UNC5D: variants seen among roughly 807,000 people sequenced by gnomAD.
The protein encoded by UNC5D is unc-5 netrin receptor D.
Under a neutral mutation model 105.4 loss-of-function variants are expected in UNC5D, and 39 were observed. That is an observed-to-expected ratio of 0.37 (90% CI 0.29 to 0.48). The LOEUF (loss-of-function observed/expected upper bound fraction) is 0.48. UNC5D is among the 20% of genes least tolerant of loss of function. UNC5D has a pLI of 0.98. For missense variants in UNC5D, 991 were observed against 1,202.4 expected (o/e 0.82, Z 2.60); for synonymous variants, 452 against 450.4 (o/e 1.00, Z -0.04).
chr8:35,528,606 C>T (rs1482121129), intron 1 of UNC5D, among the ~76,000 whole-genome samples: 1 of 146,544 alleles, frequency 6.8e-6, no homozygotes, highest in Non-Finnish European at 1.5e-5. Context: ...GTTCTAGATC[C>T]CTGAGGAATC....
At chr8:35,733,132 T>C (rs1047698589) in intron 11 of UNC5D, among the ~76,000 whole-genome samples, 4 of 152,136 alleles carry the variant, frequency 2.6e-5, no homozygotes, top group Non-Finnish European at 4.4e-5. Context: ...CCTTTTCAGG[T>C]AGCTGAAACC....
At chr8:35,762,555 C>G (rs779449746) in intron 14 of UNC5D, among the ~76,000 whole-genome samples, 2 of 152,174 alleles carry the variant, frequency 1.3e-5, no homozygotes, top group Non-Finnish European at 2.9e-5. Context: ...GTCCCTAAGA[C>G]TCTACCACAT....
intron 1 of UNC5D, among the ~76,000 whole-genome samples, chr8:35,347,176 G>A (rs187468684): frequency 4.5e-4 from 68 of 152,148 alleles, no homozygotes; most frequent in African/African-American, 1.6e-3. Context: ...TGATTGACGA[G>A]TTAGAATAAT....
At chr8:35,697,476 AC>A (rs1826871653) in intron 7 of UNC5D, among the ~76,000 whole-genome samples, 1 of 151,806 alleles carries the variant, frequency 6.6e-6, no homozygotes, top group African/African-American at 2.4e-5. Flanking sequence ...AAATTGCCCT[AC>A]CCCAACAAAA....
chr8:35,546,393 G>A (rs974741673), intron 1 of UNC5D, among the ~76,000 whole-genome samples: 1 of 152,172 alleles, frequency 6.6e-6, no homozygotes, highest in African/African-American at 2.4e-5. Context: ...GTTAAAACTT[G>A]ATCTATTACA....
At chr8:35,312,730 A>G (rs1051495241) in intron 1 of UNC5D, among the ~76,000 whole-genome samples, 1 of 152,224 alleles carries the variant, frequency 6.6e-6, no homozygotes, top group African/African-American at 2.4e-5. Context: ...GCACAGATGC[A>G]CTGAAATCAA....
intron 4 of UNC5D, among the ~76,000 whole-genome samples, chr8:35,670,353 T>G (rs534868608): frequency 6.6e-6 from 1 of 152,254 alleles, no homozygotes; most frequent in African/African-American, 2.4e-5. Flanking sequence ...GGATTTTGTT[T>G]ACCTATTTTT....
intron 1 of UNC5D, among the ~76,000 whole-genome samples, chr8:35,504,507 T>C (rs753773640): frequency 1.3e-5 from 2 of 152,072 alleles, no homozygotes; most frequent in Non-Finnish European, 2.9e-5. Flanking sequence ...TGAGGTGTAA[T>C]GTGAGGAATG....
At chr8:35,365,646 T>G (rs1243570513) in intron 1 of UNC5D, among the ~76,000 whole-genome samples, 2 of 141,288 alleles carry the variant, frequency 1.4e-5, no homozygotes, top group Non-Finnish European at 3.0e-5. Flanking sequence ...AGTTAACTGG[T>G]CACTTGCAGG....
intron 3 of UNC5D, among the ~76,000 whole-genome samples, chr8:35,588,504 C>T (rs887580653): frequency 3.9e-5 from 6 of 152,106 alleles, no homozygotes; most frequent in African/African-American, 1.4e-4. Flanking sequence ...TTTATGTGGG[C>T]CCCACTGCTA....
chr8:35,623,448 TG>T (rs1311660990), intron 4 of UNC5D, among the ~76,000 whole-genome samples: 2 of 152,216 alleles, frequency 1.3e-5, no homozygotes, highest in Non-Finnish European at 2.9e-5. Context: ...TTGCCAAAAT[TG>T]TTTTTCTCCC....
chr8:35,352,645 C>T (rs926582178), intron 1 of UNC5D, among the ~76,000 whole-genome samples: 6 of 152,114 alleles, frequency 3.9e-5, no homozygotes, highest in Non-Finnish European at 8.8e-5. Context: ...CAGAGTCTCA[C>T]TCTGTCACCC....
intron 7 of UNC5D, among the ~76,000 whole-genome samples, chr8:35,687,116 G>A (rs1826057121): frequency 6.6e-6 from 1 of 152,100 alleles, no homozygotes; most frequent in Admixed American, 6.5e-5. Context: ...AGAGACCATG[G>A]GTTCTGTGGC....
At chr8:35,296,710 C>T (rs1480538998) in intron 1 of UNC5D, among the ~76,000 whole-genome samples, 1 of 152,162 alleles carries the variant, frequency 6.6e-6, no homozygotes, top group African/African-American at 2.4e-5. Flanking sequence ...CATGAGCCAC[C>T]ATGCCTGGCC....
intron 1 of UNC5D, among the ~76,000 whole-genome samples, chr8:35,474,321 T>G (rs953544130): frequency 1.3e-5 from 2 of 152,240 alleles, no homozygotes; most frequent in Admixed American, 6.5e-5. Context: ...TGTTCCTTTT[T>G]GTTTGATACT....
At chr8:35,761,327 T>C (rs1287239101) in intron 14 of UNC5D, among the ~76,000 whole-genome samples, 1 of 151,386 alleles carries the variant, frequency 6.6e-6, no homozygotes, top group Non-Finnish European at 1.5e-5. Flanking sequence ...GTTTAATGCT[T>C]GGAGATAAAA....
chr8:35,442,885 TTC>T lies in UNC5D; in HGVS notation c.104-106388_104-106387del, dbSNP rs150886923. Among the ~76,000 whole-genome samples the T allele has an allele frequency of 1.4e-3, 190 of 135,600 alleles. 2 individuals carry two copies. The highest frequency in any genetic ancestry group is 3.7e-3 in the African/African-American group (136 of 36,416). 89.0% of individuals were successfully genotyped at this position (135,600 alleles called of 152,430 possible). A position where few individuals can be genotyped will look rare whatever the true frequency, so the allele number is the denominator to read the frequency against. On this transcript the variant is annotated intron_variant, in intron 1 of 16. Coordinates refer to ENST00000404895, the MANE Select transcript of UNC5D (RefSeq NM_080872.4). ...TCTCTCTCTCTCTCTCTCTCTCTGT[TTC>T]TCTCTCTCTCTCTCTCTCACACACA...
chr8:35,722,171 C>T (rs1296115769), intron 8 of UNC5D, 39 bp from the exon 9 acceptor site: 3 of 1,598,098 alleles, frequency 1.9e-6, no homozygotes, highest in Non-Finnish European at 2.6e-6. Context: ...TGACTTTGTG[C>T]CCATGCTGGT....
Position 35,408,998 on chromosome 8 carries a change from T to C in UNC5D, c.104-140294T>C, listed in dbSNP as rs371202025. On this transcript the variant is annotated intron_variant, in intron 1 of 16. Coordinates refer to ENST00000404895, the MANE Select transcript of UNC5D (RefSeq NM_080872.4). Reference sequence around the variant, plus strand: ...TTGAAAACTCCTATAGTTTTGCATTTTCTAAAGTATCTTATAAATAAATCA... The same window carrying C: ...TTGAAAACTCCTATAGTTTTGCATTCTCTAAAGTATCTTATAAATAAATCA... Among the ~76,000 whole-genome samples, 7 of 152,210 alleles carry C rather than the reference T, an allele frequency of 4.6e-5. 1 individual carries two copies. Among genetic ancestry groups the C allele is most frequent in the African/African-American group, 1.7e-4 (7 of 41,562 alleles).
Sources: gnomAD v4.1 joint callset for allele counts (sites outside exome capture counted in the v4.1 genomes callset) on GRCh38, gnomAD v4.1.1 for gene constraint, MANE v1.5 for transcripts, NCBI Gene and HGNC (gene_info 2026-07-23, HGNC 2026-07-21) for gene names.